Variants in TOP3A observed in about 807,000 individuals in gnomAD.
TOP3A encodes the protein DNA topoisomerase III alpha, also known as DNA topoisomerase 3-alpha.
TOP3A carries 64 observed loss-of-function variants against 111.3 expected under a neutral mutation model. The ratio of observed to expected loss-of-function variants is 0.57; its 90% CI spans 0.47 to 0.71. The LOEUF (loss-of-function observed/expected upper bound fraction) is 0.71, where lower values mean the gene tolerates loss of function less well. Ranked by LOEUF, TOP3A falls within the 30% of genes least tolerant of loss-of-function variation. The pLI, the probability that TOP3A is intolerant of heterozygous loss-of-function variation, is 0.00. For synonymous variants in TOP3A, 484 were observed against 485.1 expected, an observed-to-expected ratio of 1.00 and a Z score of 0.03; for missense variants, 1,104 against 1,285.0, an observed-to-expected ratio of 0.86 and a Z score of 2.15.
At chr17:18,278,467 T>G in intron 17 of TOP3A, 110 bp from the exon 18 acceptor site, 1 of 1,037,072 alleles carries the variant, frequency 9.6e-7, no homozygotes, top group South Asian at 2.2e-5. Context: ...TCCTTATGCA[T>G]CAGGAAGCCC....
intron 9 of TOP3A, among the ~76,000 whole-genome samples, chr17:18,295,045 T>C (rs1980710917): frequency 6.6e-6 from 1 of 152,162 alleles, no homozygotes; most frequent in African/African-American, 2.4e-5. Flanking sequence ...CTGGGGAAGG[T>C]GCTATGTTGC....
intron 13 of TOP3A, among the ~76,000 whole-genome samples, 176 bp downstream of exon 13, chr17:18,290,381 C>T (rs903258030): frequency 1.3e-5 from 2 of 152,184 alleles, no homozygotes; most frequent in African/African-American, 4.8e-5. Context: ...TTTAATAATA[C>T]ACACTTTGTG....
rs946708110 is a variant in TOP3A, at chr17:18,271,742, A to G, written c.*3060T>C. 11 of 447,256 alleles carry G rather than the reference A, an allele frequency of 2.5e-5. No individual in the cohort carries two copies. Among genetic ancestry groups the G allele is most frequent in the African/African-American group, 2.1e-4 (10 of 48,264 alleles). 27.7% of individuals were successfully genotyped at this position (447,256 alleles called of 1,614,324 possible). A position where few individuals can be genotyped will look rare whatever the true frequency, so the allele number is the denominator to read the frequency against. Reference sequence around the variant, plus strand: ...CTATTAAGAACTCCTACAACTCAACAACAAAGACAGACAACACAATTTAAA... The same window carrying G: ...CTATTAAGAACTCCTACAACTCAACGACAAAGACAGACAACACAATTTAAA... On this transcript the variant is annotated 3_prime_UTR_variant, in exon 19 of 19. Coordinates refer to ENST00000321105, the MANE Select transcript of TOP3A (RefSeq NM_004618.5).
intron 6 of TOP3A, 49 bp downstream of exon 6, chr17:18,302,531 A>AT (rs1567748869): frequency 1.9e-6 from 3 of 1,601,918 alleles, no homozygotes; most frequent in African/African-American, 1.3e-5. Context: ...TTTTGGTCCC[A>AT]TAACACAACA....
intron 2 of TOP3A, chr17:18,308,631 T>G: frequency 2.1e-6 from 1 of 485,558 alleles, no homozygotes; most frequent in Non-Finnish European, 3.6e-6. Flanking sequence ...CTGACGCCTC[T>G]TGCATCAGTT....
At chr17:18,280,507 G>A (rs767062871) in intron 17 of TOP3A, 29 bp downstream of exon 17, 1 of 1,609,016 alleles carries the variant, frequency 6.2e-7, no homozygotes, top group South Asian at 1.1e-5. Context: ...CACTCCAGAG[G>A]AGGCACCTGA....
At chr17:18,312,357 G>GT (rs1981965750) in intron 1 of TOP3A, 1 of 152,594 alleles carries the variant, frequency 6.6e-6, no homozygotes, top group Non-Finnish European at 1.5e-5. Context: ...GGGTCAGCTG[G>GT]TGGTGGATCC....
Position 18,280,651 on chromosome 17 carries a change from G to A in TOP3A, c.2029C>T (p.Leu677Phe). The stretch of plus-strand genomic sequence containing the variant: ...CACTCTGGGAAACCCATGCAGCTGA[G>A]GTAGAACCTGGGGACAAAGTGCCAT... ...LKTKKNGGFY[L>F]SCMGFPECRS... The change falls in exon 17 of 19, where the codon CTC becomes TTC. Residue 677 changes from leucine (L) to phenylalanine (F), a missense_variant. Transcript: ENST00000321105. The A allele has an allele frequency of 6.2e-7, 1 of 1,614,038 alleles. No individual in the cohort carries two copies. Among genetic ancestry groups the A allele is most frequent in the Non-Finnish European group, 8.5e-7 (1 of 1,179,928 alleles).
At chr17:18,308,501 A>G (rs1981722475) in intron 2 of TOP3A, 77 bp from the exon 3 acceptor site, 3 of 990,148 alleles carry the variant, frequency 3.0e-6, no homozygotes, top group African/African-American at 3.3e-5. Flanking sequence ...AATGAGAGGG[A>G]GGAGCTTCTA....
chr17:18,292,044 TA>T (rs1425177375), intron 11 of TOP3A, among the ~76,000 whole-genome samples: 1 of 152,142 alleles, frequency 6.6e-6, no homozygotes, highest in Non-Finnish European at 1.5e-5. Flanking sequence ...TGTATTTTAT[TA>T]AAAGAAGGAG....
At chr17:18,305,489 C>CACACACAT (rs1567750618) in intron 4 of TOP3A, among the ~76,000 whole-genome samples, 4 of 122,766 alleles carry the variant, frequency 3.3e-5, no homozygotes, top group East Asian at 2.8e-4. Context: ...CACACACACG[C>CACACACAT]GCGCGCGCGC....
chr17:18,303,910 C>T (rs542235154), intron 5 of TOP3A, among the ~76,000 whole-genome samples: 1 of 152,272 alleles, frequency 6.6e-6, no homozygotes, highest in African/African-American at 2.4e-5. Context: ...GTGAGAAATA[C>T]CCACAGGTGT....
intron 3 of TOP3A, among the ~76,000 whole-genome samples, chr17:18,307,775 T>A (rs1447022125): frequency 6.6e-6 from 1 of 151,266 alleles, no homozygotes; most frequent in Non-Finnish European, 1.5e-5. Context: ...CTGGGTGTAG[T>A]GGCACATGGC....
At chr17:18,294,863 A>G in intron 9 of TOP3A, 78 bp from the exon 10 acceptor site, 2 of 974,770 alleles carry the variant, frequency 2.1e-6, no homozygotes, top group South Asian at 1.3e-5. Context: ...ACTCATCTTC[A>G]GTCAAATCTG....
chr17:18,305,507 C>T (rs1313621239), intron 4 of TOP3A, among the ~76,000 whole-genome samples: 5 of 151,972 alleles, frequency 3.3e-5, no homozygotes, highest in Non-Finnish European at 7.4e-5. Context: ...CGCGCGCGCA[C>T]GCACACTTCG....
In TOP3A at chr17:18,314,644, C is replaced by T. The variant is rs2230153; in HGVS notation, c.135G>A (p.Ala45=). The T allele has an allele frequency of 9.7e-3, 15,694 of 1,613,360 alleles. 705 individuals are homozygous for T. In the African/African-American group the frequency reaches 0.13, roughly 14 times the overall value. ...KVLCVAEKND[A]AKGIADLLSN... The stretch of plus-strand genomic sequence containing the variant: ...ACAGCAGGTCGGCGATCCCCTTGGC[C>T]GCGTCGTTTTTTTCGGCCACACAGA... Residue 45 remains alanine, a synonymous_variant, in exon 1 of 19, where the codon GCG becomes GCA. Coordinates refer to ENST00000321105, the MANE Select transcript of TOP3A (RefSeq NM_004618.5).
At chr17:18,282,380 T>C (rs542143792) in intron 16 of TOP3A, among the ~76,000 whole-genome samples, 1 of 152,312 alleles carries the variant, frequency 6.6e-6, no homozygotes, top group East Asian at 1.9e-4. Flanking sequence ...AAGTGGCATT[T>C]GAACCCAGAC....
chr17:18,302,195 T>G, intron 7 of TOP3A, 69 bp downstream of exon 7: 1 of 1,517,978 alleles, frequency 6.6e-7, no homozygotes, highest in Non-Finnish European at 8.9e-7. Flanking sequence ...GTGCTATTAA[T>G]GCTCACAGTC....
At chr17:18,299,791 T>C (rs190944641) in intron 8 of TOP3A, among the ~76,000 whole-genome samples, 158 bp from the exon 9 acceptor site, 2 of 152,284 alleles carry the variant, frequency 1.3e-5, no homozygotes, top group East Asian at 1.9e-4. Context: ...ATGTCGCTTG[T>C]AGCTGACAGT....
Sources: allele counts gnomAD v4.1 joint callset (sites outside exome capture counted in the v4.1 genomes callset), GRCh38; gene constraint gnomAD v4.1.1; transcripts MANE v1.5; gene names NCBI Gene and HGNC (gene_info 2026-07-23, HGNC 2026-07-21).